Variants in DLG2 observed in about 807,000 individuals in gnomAD.
The protein encoded by DLG2 is discs large MAGUK scaffold protein 2.
DLG2 carries 45 observed loss-of-function variants against 132.5 expected under a neutral mutation model. The ratio of observed to expected loss-of-function variants is 0.34; its 90% CI spans 0.27 to 0.44. DLG2 has a LOEUF of 0.44. Ranked by LOEUF, DLG2 falls within the 20% of genes least tolerant of loss-of-function variation. DLG2 has a pLI of 1.00. For synonymous variants in DLG2, 424 were observed against 419.6 expected (o/e 1.01, Z -0.13); for missense variants, 1,045 against 1,196.9 (o/e 0.87, Z 1.87).
At chr11:84,382,003 A>C (rs2098750484) in intron 7 of DLG2, among the ~76,000 whole-genome samples, 1 of 152,196 alleles carries the variant, frequency 6.6e-6, no homozygotes, top group Non-Finnish European at 1.5e-5. Context: ...GAGACAGGTG[A>C]TTCCCAAGAG....
At chr11:84,442,659 C>T (rs1459739612) in intron 7 of DLG2, among the ~76,000 whole-genome samples, 1 of 151,518 alleles carries the variant, frequency 6.6e-6, no homozygotes, top group Non-Finnish European at 1.5e-5. Context: ...ATCTAACAAA[C>T]TTGCACATTC....
chr11:83,579,141 A>C (rs185326176), intron 19 of DLG2, among the ~76,000 whole-genome samples: 2 of 152,356 alleles, frequency 1.3e-5, no homozygotes, highest in African/African-American at 2.4e-5. Flanking sequence ...CTTTCTTCAC[A>C]ATCAGTCAAC....
At chr11:84,525,788 G>T (rs2099318439) in intron 7 of DLG2, among the ~76,000 whole-genome samples, 1 of 152,102 alleles carries the variant, frequency 6.6e-6, no homozygotes, top group Non-Finnish European at 1.5e-5. Context: ...TGGGATGTTT[G>T]GGCCCACTCT....
intron 15 of DLG2, among the ~76,000 whole-genome samples, chr11:83,909,730 T>G (rs923735649): frequency 2.0e-5 from 3 of 152,164 alleles, no homozygotes; most frequent in Non-Finnish European, 2.9e-5. Flanking sequence ...TCATTAATTG[T>G]TATGCTTCAT....
At chr11:84,494,165 AG>A (rs1383078842) in intron 7 of DLG2, among the ~76,000 whole-genome samples, 1 of 152,204 alleles carries the variant, frequency 6.6e-6, no homozygotes, top group Non-Finnish European at 1.5e-5. Context: ...ATCTCTTTGC[AG>A]GATCCCTTTA....
At chr11:83,608,936 T>C (rs889311118) in intron 19 of DLG2, among the ~76,000 whole-genome samples, 1 of 152,214 alleles carries the variant, frequency 6.6e-6, no homozygotes, top group Non-Finnish European at 1.5e-5. Context: ...GCCACCATTT[T>C]GAACCCTCTG....
intron 4 of DLG2, among the ~76,000 whole-genome samples, chr11:85,170,190 C>A (rs1237696022): frequency 6.6e-6 from 1 of 152,052 alleles, no homozygotes; most frequent in Non-Finnish European, 1.5e-5. Context: ...AGAAACATGA[C>A]TGGACAAAAA....
chr11:83,502,648 G>T (rs918873091), intron 21 of DLG2, among the ~76,000 whole-genome samples: 2 of 151,846 alleles, frequency 1.3e-5, no homozygotes, highest in African/African-American at 4.8e-5. Context: ...TTCCCTAAGG[G>T]CTCCTCTCCT....
chr11:84,585,052 A>G (rs1477102095), intron 6 of DLG2, among the ~76,000 whole-genome samples: 1 of 152,008 alleles, frequency 6.6e-6, no homozygotes, highest in African/African-American at 2.4e-5. Context: ...TTTTTTTAAG[A>G]TACGCTTCCT....
intron 7 of DLG2, among the ~76,000 whole-genome samples, chr11:84,265,854 T>G (rs922707680): frequency 6.6e-6 from 1 of 152,112 alleles, no homozygotes; most frequent in Non-Finnish European, 1.5e-5. Flanking sequence ...TCAAAAACTA[T>G]GGCATATCTA....
intron 3 of DLG2, among the ~76,000 whole-genome samples, chr11:85,287,135 C>T (rs1381155428): frequency 6.6e-6 from 1 of 152,028 alleles, no homozygotes; most frequent in African/African-American, 2.4e-5. Flanking sequence ...ATAGTGCATA[C>T]ATATGTCCAA....
At chr11:84,693,697 T>G (rs1444706378) in intron 6 of DLG2, among the ~76,000 whole-genome samples, 1 of 151,654 alleles carries the variant, frequency 6.6e-6, no homozygotes. Context: ...TCCCATCCAC[T>G]TCTCTGTGTT....
At chr11:85,255,007 A>G (rs2076596901) in intron 4 of DLG2, among the ~76,000 whole-genome samples, 1 of 152,002 alleles carries the variant, frequency 6.6e-6, no homozygotes, top group African/African-American at 2.4e-5. Context: ...TCAAAAAAAA[A>G]AAAAAAAATT....
chr11:83,708,084 T>C (rs1198660929), intron 18 of DLG2, among the ~76,000 whole-genome samples: 1 of 152,222 alleles, frequency 6.6e-6, no homozygotes, highest in African/African-American at 2.4e-5. Flanking sequence ...ACGTAAAAGC[T>C]CTTATCATTA....
intron 6 of DLG2, among the ~76,000 whole-genome samples, chr11:84,725,317 T>C (rs1420928090): frequency 6.6e-6 from 1 of 152,172 alleles, no homozygotes. Context: ...AGTTTTTAGA[T>C]AACACATGAA....
rs567938293 is a variant in DLG2 at position 84,979,716 on chromosome 11, T to A, written c.357+131945A>T. Among the ~76,000 whole-genome samples, 80 of 151,862 alleles carry A rather than the reference T, an allele frequency of 5.3e-4. 1 individual carries two copies. Among genetic ancestry groups the A allele is most frequent in the African/African-American group, 1.9e-3 (80 of 41,378 alleles). Reference sequence around the variant, plus strand: ...ATATACCTAATATTAAATGACAAGTTAACGGGTGCAGCACACCAACATGGC... The same window carrying A: ...ATATACCTAATATTAAATGACAAGTAAACGGGTGCAGCACACCAACATGGC... On this transcript the variant is annotated intron_variant, in intron 6 of 27. Coordinates refer to ENST00000376104, the MANE Select transcript of DLG2 (RefSeq NM_001142699.3).
chr11:83,613,074 T>C (rs76069210), intron 19 of DLG2, among the ~76,000 whole-genome samples: 4,767 of 152,238 alleles, frequency 0.031, 261 homozygotes, highest in African/African-American at 0.11. Flanking sequence ...TGCCAACCAA[T>C]TGCAGAGGCC....
At chr11:84,951,266 A>T (rs984417085) in intron 6 of DLG2, among the ~76,000 whole-genome samples, 1 of 152,214 alleles carries the variant, frequency 6.6e-6, no homozygotes. Flanking sequence ...CAAGCATCCT[A>T]TATGGCAAGA....
At chr11:84,946,310 G>A (rs2050189954) in intron 6 of DLG2, among the ~76,000 whole-genome samples, 1 of 152,038 alleles carries the variant, frequency 6.6e-6, no homozygotes, top group Admixed American at 6.5e-5. Flanking sequence ...ACCACAGCTG[G>A]GGATGCTCTG....
Sources: allele counts gnomAD v4.1 joint callset (sites outside exome capture counted in the v4.1 genomes callset), GRCh38; gene constraint gnomAD v4.1.1; transcripts MANE v1.5; gene names NCBI Gene and HGNC (gene_info 2026-07-23, HGNC 2026-07-21).